Variants in RANBP2 observed in about 807,000 individuals in gnomAD.
RANBP2 encodes the protein RAN binding protein 2.
RANBP2 carries 57 observed loss-of-function variants against 303.6 expected under a neutral mutation model. That is an observed-to-expected ratio of 0.19 (90% confidence interval 0.15 to 0.23). RANBP2 has a LOEUF of 0.23. RANBP2 is among the 10% of genes least tolerant of loss of function. The pLI is 1.00. For synonymous variants in RANBP2, 1,167 were observed against 1,301.5 expected, an observed-to-expected ratio of 0.90 and a Z score of 2.23; for missense variants, 3,138 against 3,780.8, an observed-to-expected ratio of 0.83 and a Z score of 4.46.
chr2:108,947,579 T>G, the RANBP2 span, among the ~76,000 whole-genome samples: 2 of 152,190 alleles, frequency 1.3e-5, no homozygotes, highest in Non-Finnish European at 2.9e-5. Context: ...AATTCTTGTC[T>G]TCTGCACCCC....
At chr2:109,189,157 G>A in the RANBP2 span, among the ~76,000 whole-genome samples, 65 of 152,090 alleles carry the variant, frequency 4.3e-4, no homozygotes, top group African/African-American at 1.6e-3. Flanking sequence ...CTCGCTGACA[G>A]TGTTGTGTTT....
At chr2:109,597,852 C>A in the RANBP2 span, among the ~76,000 whole-genome samples, 1 of 152,164 alleles carries the variant, frequency 6.6e-6, no homozygotes, top group Non-Finnish European at 1.5e-5. Context: ...GTGACAGACA[C>A]ACAATTCATC....
the RANBP2 span, among the ~76,000 whole-genome samples, chr2:109,627,809 T>C: frequency 6.6e-6 from 1 of 152,242 alleles, no homozygotes; most frequent in Admixed American, 6.5e-5. Context: ...TTTATCCATA[T>C]TGTTGCTTAT....
chr2:109,078,182 A>G, the RANBP2 span, among the ~76,000 whole-genome samples: 1 of 106,942 alleles, frequency 9.4e-6, no homozygotes. Context: ...GTATATATAT[A>G]GCATATATAT....
the RANBP2 span, chr2:109,615,157 GGGGCAGCAGCCC>G: frequency 2.6e-6 from 4 of 1,549,360 alleles, no homozygotes; most frequent in Non-Finnish European, 2.6e-6. Context: ...GTGTGTCCCG[GGGGCAGCAGCCC>G]GGGCAGCTCC....
the RANBP2 span, among the ~76,000 whole-genome samples, chr2:109,376,850 G>A: frequency 3.9e-5 from 6 of 152,242 alleles, no homozygotes; most frequent in South Asian, 1.0e-3. Context: ...TAAAGGGCGG[G>A]GAGGAAGAAC....
the RANBP2 span, among the ~76,000 whole-genome samples, chr2:109,427,388 C>G: frequency 6.6e-6 from 1 of 152,138 alleles, no homozygotes; most frequent in Non-Finnish European, 1.5e-5. Flanking sequence ...ACCAAAAATT[C>G]GGGTGACAGT....
chr2:109,031,975 C>T, the RANBP2 span, among the ~76,000 whole-genome samples: 22 of 149,776 alleles, frequency 1.5e-4, no homozygotes, highest in African/African-American at 5.4e-4. Context: ...TCGCTGCCCT[C>T]CCTCCCATTT....
the RANBP2 span, among the ~76,000 whole-genome samples, chr2:109,140,810 T>C: frequency 6.6e-6 from 1 of 152,210 alleles, no homozygotes; most frequent in African/African-American, 2.4e-5. Flanking sequence ...CTCCTCTGTG[T>C]CCCCAAACTA....
chr2:109,634,537 A>C, the RANBP2 span, among the ~76,000 whole-genome samples: 1 of 152,206 alleles, frequency 6.6e-6, no homozygotes, highest in Admixed American at 6.5e-5. Flanking sequence ...CAAAATAAAG[A>C]TATCTTTCAA....
the RANBP2 span, among the ~76,000 whole-genome samples, chr2:108,880,487 G>A: frequency 6.6e-6 from 1 of 152,176 alleles, no homozygotes; most frequent in African/African-American, 2.4e-5. Context: ...CATAGCTAGA[G>A]AGGAGCCAGG....
chr2:109,378,417 G>A, the RANBP2 span, among the ~76,000 whole-genome samples: 4 of 152,194 alleles, frequency 2.6e-5, no homozygotes, highest in African/African-American at 9.7e-5. Flanking sequence ...ACCTGAGACG[G>A]GGTTGGAACA....
the RANBP2 span, among the ~76,000 whole-genome samples, chr2:109,075,657 G>T: frequency 6.8e-6 from 1 of 147,824 alleles, no homozygotes; most frequent in African/African-American, 2.5e-5. Flanking sequence ...ATGGATATCT[G>T]AGAAATAAAA....
the RANBP2 span, among the ~76,000 whole-genome samples, chr2:109,384,854 G>T: frequency 5.3e-5 from 8 of 152,208 alleles, no homozygotes; most frequent in African/African-American, 1.9e-4. Flanking sequence ...TGGTTCCCAT[G>T]TGGCTTCTGA....
At chr2:109,287,507 A>C in the RANBP2 span, among the ~76,000 whole-genome samples, 1 of 152,214 alleles carries the variant, frequency 6.6e-6, no homozygotes, top group African/African-American at 2.4e-5. Flanking sequence ...AGGTTGGGAC[A>C]CTACGCTCAG....
the RANBP2 span, among the ~76,000 whole-genome samples, chr2:108,992,982 T>C: frequency 1.1e-4 from 17 of 152,222 alleles, no homozygotes; most frequent in African/African-American, 3.6e-4. Flanking sequence ...CCGCTACTCA[T>C]GTGGTCACAG....
the RANBP2 span, among the ~76,000 whole-genome samples, chr2:109,268,412 G>A: frequency 1.3e-5 from 2 of 152,134 alleles, no homozygotes; most frequent in African/African-American, 2.4e-5. Context: ...GAGAGCTGGG[G>A]TGCTCTGTCC....
At chr2:109,283,588 C>T in the RANBP2 span, among the ~76,000 whole-genome samples, 2 of 152,176 alleles carry the variant, frequency 1.3e-5, no homozygotes, top group Non-Finnish European at 2.9e-5. Flanking sequence ...ACTTCAGCCC[C>T]TTCCTAAAAG....
the RANBP2 span, among the ~76,000 whole-genome samples, chr2:109,447,889 G>C: frequency 1.5e-4 from 23 of 152,310 alleles, 1 homozygote; most frequent in African/African-American, 5.3e-4. Context: ...ATCCACAGTT[G>C]TAAGGTTCCA....
Sources: allele counts gnomAD v4.1 joint callset (sites outside exome capture counted in the v4.1 genomes callset), GRCh38; gene constraint gnomAD v4.1.1; transcripts MANE v1.5; gene names NCBI Gene and HGNC (gene_info 2026-07-23, HGNC 2026-07-21).